The following ULK2 variants were observed in gnomAD, a reference collection of about 807,000 sequenced individuals.
ULK2 encodes unc-51 like autophagy activating kinase 2.
In ULK2, 76 loss-of-function variants were observed where a neutral mutation model predicts 127.5. The observed-to-expected ratio is 0.60, with a 90% CI of 0.50 to 0.72. The LOEUF is 0.72. Among genes scored for constraint, ULK2 ranks in the 30% least tolerant of loss-of-function variants. The pLI, the probability that ULK2 is intolerant of heterozygous loss-of-function variation, is 0.00. For synonymous variants in ULK2, 452 were observed against 461.9 expected (o/e 0.98, Z 0.28); for missense variants, 1,144 against 1,295.9 (o/e 0.88, Z 1.80).
chr17:19,795,692 T>C lies in ULK2; in HGVS notation c.2031A>G (p.Gln677=), dbSNP rs756143265. The C allele has an allele frequency of 6.2e-7, 1 of 1,614,162 alleles. No homozygotes were observed. The highest frequency in any genetic ancestry group is 1.1e-5 in the South Asian group (1 of 91,082). ...SVSTGKLSDQ[Q]GKTPICRHQG... ...GATGTCGACATATAGGAGTCTTTCCTTGTTGATCTGATAACTTCCCGGTAC... is the reference window on the plus strand; with the variant it reads ...GATGTCGACATATAGGAGTCTTTCCCTGTTGATCTGATAACTTCCCGGTAC... The change falls in exon 20 of 27, where the codon CAA becomes CAG. Residue 677 remains glutamine, a synonymous_variant. Transcript: ENST00000395544.
At position 19,816,810 on chromosome 17, in the gene ULK2, G is replaced by C. The variant is rs2041001179; in HGVS notation, c.1035C>G (p.Asn345Lys). Residue 345 changes from asparagine (N) to lysine (K), a missense_variant, in exon 13 of 27, where the codon AAC becomes AAG. By Grantham distance (94) the Asn-to-Lys change is moderately conservative. Transcript: ENST00000395544. ...SKDSASTSSK[N>K]SSCDTDDFVL... is the part of the protein sequence containing the mutation. ...CAAAGTCATCCGTGTCACAAGAAGA[G>C]TTCTTGCTACTAGTACTGGCAGAAT... 3.1e-6 allele frequency: 5 copies of C among 1,611,674 alleles called. No individual in the cohort carries two copies. Among genetic ancestry groups the C allele is most frequent in the Non-Finnish European group, 4.2e-6 (5 of 1,179,312 alleles).
intron 9 of ULK2, chr17:19,840,568 TAA>T (rs201662392): frequency 0.012 from 2,132 of 181,996 alleles, no homozygotes; most frequent in South Asian, 0.027. Flanking sequence ...ATTAATCATT[TAA>T]AAAAAAAAAA....
At chr17:19,849,985 T>C (rs2041976947) in intron 3 of ULK2, among the ~76,000 whole-genome samples, 1 of 152,200 alleles carries the variant, frequency 6.6e-6, no homozygotes. Flanking sequence ...ACTAATGTAG[T>C]CATCAAGAAG....
chr17:19,817,152 T>C (rs1267225868), intron 12 of ULK2, among the ~76,000 whole-genome samples: 2 of 152,216 alleles, frequency 1.3e-5, no homozygotes, highest in Non-Finnish European at 2.9e-5. Flanking sequence ...CTTAAAAATA[T>C]ATCGTACCAC....
At chr17:19,851,891 C>T (rs2042023988) in intron 3 of ULK2, among the ~76,000 whole-genome samples, 1 of 151,174 alleles carries the variant, frequency 6.6e-6, no homozygotes, top group Admixed American at 6.6e-5. Flanking sequence ...ACTAGAAATA[C>T]AAAAATTAGC....
intron 8 of ULK2, among the ~76,000 whole-genome samples, chr17:19,842,067 G>A (rs1291514963): frequency 6.6e-6 from 1 of 151,966 alleles, no homozygotes; most frequent in Admixed American, 6.6e-5. Flanking sequence ...CTACTATTCA[G>A]TCTCTCCACA....
At position 19,801,859 on chromosome 17, in the gene ULK2, G is replaced by A; in HGVS notation, c.1359C>T (p.Ser453=). Residue 453 remains serine, a synonymous_variant, in exon 16 of 27, where the codon TCC becomes TCT. Coordinates refer to ENST00000395544, the MANE Select transcript of ULK2 (RefSeq NM_014683.4). ...PMGFLRPGSC[S]PVPADTAQTV... is the part of the protein sequence containing the mutation. ...TCTGTGCTGTGTCTGCTGGTACTGG[G>A]GAGCATGATCCCGGCCGGAGGAAGC... 2 of 1,614,208 alleles carry A rather than the reference G, an allele frequency of 1.2e-6. No individual in the cohort carries two copies. Among genetic ancestry groups the A allele is most frequent in the Non-Finnish European group, 1.7e-6 (2 of 1,180,036 alleles).
chr17:19,828,742 T>C (rs942133407), intron 10 of ULK2, among the ~76,000 whole-genome samples: 8 of 152,180 alleles, frequency 5.3e-5, no homozygotes, highest in African/African-American at 1.2e-4. Context: ...TAAATGTAAA[T>C]AGATCTCCTT....
rs1023158812 is a variant in ULK2 at position 19,823,232 on chromosome 17, T to C, written c.924+1862A>G. ...ATATTCCTGCCTCAGAAAAAATAGGTTTGTCCACCAGAGTTTTTAACATCT... is the reference window on the plus strand; with the variant it reads ...ATATTCCTGCCTCAGAAAAAATAGGCTTGTCCACCAGAGTTTTTAACATCT... On this transcript the variant is annotated intron_variant, in intron 12 of 26. Transcript: ENST00000395544. Among the ~76,000 whole-genome samples the C allele has an allele frequency of 3.3e-5, 5 of 150,970 alleles. No individual in the cohort carries two copies. In the South Asian group the frequency reaches 1.0e-3, roughly 31 times the overall value.
intron 15 of ULK2, 109 bp downstream of exon 15, chr17:19,804,584 C>A: frequency 8.3e-7 from 1 of 1,206,604 alleles, no homozygotes; most frequent in South Asian, 2.2e-5. Context: ...TCCCATTATA[C>A]ACACATGTAA....
intron 3 of ULK2, among the ~76,000 whole-genome samples, chr17:19,862,792 TAAATATAC>T (rs1375214232): frequency 1.3e-5 from 2 of 152,096 alleles, no homozygotes; most frequent in African/African-American, 4.8e-5. Context: ...TTTTAAAAAG[TAAATATAC>T]AACAGCCCAT....
intron 13 of ULK2, among the ~76,000 whole-genome samples, chr17:19,814,430 A>ACG (rs1319993550): frequency 6.7e-4 from 10 of 14,894 alleles, no homozygotes; most frequent in African/African-American, 2.7e-3. Context: ...ATATATATAT[A>ACG]TATATATATT....
At chr17:19,811,683 C>T (rs551700581) in intron 13 of ULK2, among the ~76,000 whole-genome samples, 1 of 152,234 alleles carries the variant, frequency 6.6e-6, no homozygotes, top group East Asian at 1.9e-4. Context: ...CTCAAGTGAT[C>T]TGCCCACCTC....
intron 14 of ULK2, 45 bp downstream of exon 14, chr17:19,810,333 T>C: frequency 7.8e-7 from 1 of 1,285,762 alleles, no homozygotes; most frequent in South Asian, 1.3e-5. Flanking sequence ...CTCACAAAAA[T>C]AAAATATAAA....
rs780982232 is a variant in ULK2, at chr17:19,797,602, T to G, written c.1603A>C (p.Ile535Leu). 6.2e-7 allele frequency: 1 copy of G among 1,613,646 alleles called. No individual in the cohort carries two copies. The highest frequency in any genetic ancestry group is 1.1e-5 in the South Asian group (1 of 90,986). The change falls in exon 18 of 27, where the codon ATC becomes CTC. Residue 535 changes from isoleucine to leucine, a missense_variant. Ile to Leu is a conservative substitution (Grantham distance 5). Transcript: ENST00000395544. ...CTGAGCTTCTGCTTGTTCTGATAGA[T>G]GTCAGTGAGGGTGGGGGCGCTCTGC... ...RLQSAPTLTD[I>L]YQNKQKLRKQ...
At chr17:19,808,498 G>C (rs1385407694) in intron 14 of ULK2, among the ~76,000 whole-genome samples, 2 of 152,108 alleles carry the variant, frequency 1.3e-5, no homozygotes, top group Non-Finnish European at 1.5e-5. Flanking sequence ...ACAACCAAGA[G>C]AATGGGAAGA....
rs2086761389 is a variant in ULK2 at position 19,773,239 on chromosome 17, T to G, written c.*3110A>C. 1 of 152,260 alleles carries G rather than the reference T, an allele frequency of 6.6e-6. No homozygotes were observed. Among genetic ancestry groups the G allele is most frequent in the African/African-American group, 2.4e-5 (1 of 41,452 alleles). The allele number at this position is 152,260 out of a possible 1,614,324, so 9.4% of individuals were successfully genotyped here. Reference sequence around the variant, plus strand: ...TTGCAGTGAGCCAAGATTGCGCCAATGCACTCCAGCCTGGGCAACAGGGTG... The same window carrying G: ...TTGCAGTGAGCCAAGATTGCGCCAAGGCACTCCAGCCTGGGCAACAGGGTG... On this transcript the variant is annotated 3_prime_UTR_variant, in exon 27 of 27. Coordinates refer to ENST00000395544, the MANE Select transcript of ULK2 (RefSeq NM_014683.4).
intron 10 of ULK2, among the ~76,000 whole-genome samples, chr17:19,833,160 C>T (rs1407307226): frequency 6.8e-6 from 1 of 146,844 alleles, no homozygotes; most frequent in Admixed American, 6.8e-5. Context: ...ACAGAACAAC[C>T]CCCAATTGGG....
chr17:19,779,547 A>G (rs1313831372), intron 25 of ULK2, among the ~76,000 whole-genome samples: 1 of 151,586 alleles, frequency 6.6e-6, no homozygotes, highest in African/African-American at 2.4e-5. Flanking sequence ...AAAAAAAAAA[A>G]AAAAAAAGAA....
Sources: allele counts gnomAD v4.1 joint callset (sites outside exome capture counted in the v4.1 genomes callset), GRCh38; gene constraint gnomAD v4.1.1; transcripts MANE v1.5; gene names NCBI Gene and HGNC (gene_info 2026-07-23, HGNC 2026-07-21).